The following LENG8 variants were observed in gnomAD, a reference collection of about 807,000 sequenced individuals.
LENG8 encodes leukocyte receptor cluster member 8.
LENG8 carries 28 observed loss-of-function variants against 102.1 expected under a neutral mutation model. The ratio of observed to expected loss-of-function variants is 0.27; its 90% CI spans 0.20 to 0.38. LENG8 has a LOEUF of 0.38. LENG8 is among the 10% of genes least tolerant of loss of function. The probability of loss-of-function intolerance (pLI) is 1.00; values close to 1 mark genes in which losing one functional copy is unlikely to be tolerated. For synonymous variants in LENG8, 531 were observed against 456.7 expected, an observed-to-expected ratio of 1.16 and a Z score of -2.07; for missense variants, 1,022 against 1,113.9, an observed-to-expected ratio of 0.92 and a Z score of 1.17.
intron 15 of LENG8, chr19:54,459,758 G>A (rs191954605): frequency 2.8e-6 from 3 of 1,067,290 alleles, no homozygotes; most frequent in Middle Eastern, 4.6e-4. Context: ...GAGAGGCTGA[G>A]CCAGGGTAGG....
rs532071230 is a variant in LENG8 at position 54,456,339 on chromosome 19, A to G, written c.1319A>G (p.Asp440Gly). ...TCTTCCTGCAGTGACTCCCACTCAG[A>G]CTCCGACAGCTCCTACTCAGGGAAT... Reference protein sequence around the residue: ...RHFRRSDSHSDSDSSYSGNEC... With the variant: ...RHFRRSDSHSGSDSSYSGNEC... Residue 440 changes from aspartate to glycine, a missense_variant, in exon 10 of 16, where the codon GAC becomes GGC. Physicochemically the swap from Asp to Gly is moderately conservative, Grantham distance 94. Transcript: ENST00000326764. 4.3e-6 allele frequency: 7 copies of G among 1,613,634 alleles called. No homozygotes were observed. In the South Asian group the frequency reaches 7.7e-5, roughly 18 times the overall value.
chr19:54,461,630 T>TC lies in LENG8; in HGVS notation c.*706dup, dbSNP rs747694487. On this transcript the variant is annotated 3_prime_UTR_variant, in exon 16 of 16. Coordinates refer to ENST00000326764, the MANE Select transcript of LENG8 (RefSeq NM_052925.4). ...CCCAGTGTTTCTTCTGATTTTTTTTTCCCCTTTCCCTCCCTCCCTCTCCGC... is the reference window on the plus strand; with the variant it reads ...CCCAGTGTTTCTTCTGATTTTTTTTTCCCCCTTTCCCTCCCTCCCTCTCCGC... 286 of 474,500 alleles carry TC rather than the reference T, an allele frequency of 6.0e-4. No homozygotes were observed. The highest frequency in any genetic ancestry group is 1.1e-3 in the Non-Finnish European group (246 of 229,440). 29.4% of individuals were successfully genotyped at this position (474,500 alleles called of 1,614,324 possible).
At chr19:54,459,753 G>A in intron 15 of LENG8, 1 of 1,065,620 alleles carries the variant, frequency 9.4e-7, no homozygotes, top group East Asian at 8.4e-5. Flanking sequence ...TCAGGGAGAG[G>A]CTGAGCCAGG....
intron 1 of LENG8, 90 bp from the exon 2 acceptor site, chr19:54,451,200 T>C (rs1475449077): frequency 2.4e-6 from 2 of 835,226 alleles, no homozygotes; most frequent in African/African-American, 3.4e-5. Flanking sequence ...TCTGCCCGGC[T>C]TCTCTTGAGT....
intron 11 of LENG8, 28 bp downstream of exon 11, chr19:54,456,949 C>T (rs1333269372): frequency 1.3e-6 from 2 of 1,577,300 alleles, no homozygotes; most frequent in African/African-American, 1.3e-5. Context: ...CAGTTCTGCT[C>T]TGTGAGGCCG....
In LENG8 at chr19:54,461,062, G is replaced by GC; in HGVS notation, c.*139dup. The stretch of plus-strand genomic sequence containing the variant: ...CGCTCCAGGAAGAGCCACCATCCCT[G>GC]CCCCCGTTTTCCCACCGGGGAGTCT... On this transcript the variant is annotated 3_prime_UTR_variant, in exon 16 of 16. Coordinates refer to ENST00000326764, the MANE Select transcript of LENG8 (RefSeq NM_052925.4). 2 of 1,332,446 alleles carry GC rather than the reference G, an allele frequency of 1.5e-6. No individual in the cohort carries two copies. Among genetic ancestry groups the GC allele is most frequent in the Non-Finnish European group, 1.0e-6 (1 of 971,346 alleles). The allele number at this position is 1,332,446 out of a possible 1,614,324, so 82.5% of individuals were successfully genotyped here.
At chr19:54,459,077 T>A (rs1229711357) in intron 15 of LENG8, 15 of 1,388,894 alleles carry the variant, frequency 1.1e-5, no homozygotes, top group Non-Finnish European at 1.4e-5. Context: ...CACTAGACAT[T>A]GCGCCTGGCT....
At chr19:54,460,479 A>G in intron 15 of LENG8, 1 of 1,327,522 alleles carries the variant, frequency 7.5e-7, no homozygotes, top group East Asian at 3.2e-5. Flanking sequence ...CCTGCCCCTC[A>G]GCCAGCGGAG....
At chr19:54,458,775 TCTC>T in intron 15 of LENG8, 1 of 1,551,136 alleles carries the variant, frequency 6.4e-7, no homozygotes, top group Non-Finnish European at 8.7e-7. Context: ...TGGGGCCTCT[TCTC>T]CACCCCATCT....
At chr19:54,451,221 T>C in intron 1 of LENG8, 69 bp from the exon 2 acceptor site, 1 of 1,019,684 alleles carries the variant, frequency 9.8e-7, no homozygotes, top group East Asian at 2.4e-5. Flanking sequence ...CCATCTACTT[T>C]TCTTCCCCAC....
rs774949239 is a variant in LENG8, at chr19:54,451,353, C to G, written c.9C>G (p.Ala3=). MA[A]NVGDQRSTDW... ...TATACCCCAAGGTCCAGATGGCGGCCAACGTGGGTGATCAACGTAGCACAG... is the reference window on the plus strand; with the variant it reads ...TATACCCCAAGGTCCAGATGGCGGCGAACGTGGGTGATCAACGTAGCACAG... The change falls in exon 2 of 16, where the codon GCC becomes GCG. Residue 3 remains alanine, a synonymous_variant. Coordinates refer to ENST00000326764, the MANE Select transcript of LENG8 (RefSeq NM_052925.4). The G allele has an allele frequency of 1.2e-5, 20 of 1,614,096 alleles. No individual in the cohort carries two copies. The highest frequency in any genetic ancestry group is 1.7e-5 in the Non-Finnish European group (20 of 1,180,046).
chr19:54,454,859 G>A (rs573037073), intron 6 of LENG8, 92 bp from the exon 7 acceptor site: 24 of 1,534,750 alleles, frequency 1.6e-5, no homozygotes, highest in South Asian at 9.4e-5. Context: ...GAACCTGAGC[G>A]CTCCTCCCTG....
At position 54,457,762 on chromosome 19, in the gene LENG8, C is replaced by T. The variant is rs1029635711; in HGVS notation, c.1747C>T (p.Leu583=). The part of the protein sequence containing the change: ...VRPVAVLKKS[L]CMVKCHWKEK... ...CCTTTTTCAGGTTTTGAAAAAGTCG[C>T]TGTGCATGGTCAAGTGCCACTGGAA... The change falls in exon 12 of 16, where the codon CTG becomes TTG. Residue 583 remains leucine, a synonymous_variant. Coordinates refer to ENST00000326764, the MANE Select transcript of LENG8 (RefSeq NM_052925.4). 3 of 1,613,862 alleles carry T rather than the reference C, an allele frequency of 1.9e-6. No individual in the cohort carries two copies. The highest frequency in any genetic ancestry group is 2.5e-6 in the Non-Finnish European group (3 of 1,179,724).
intron 11 of LENG8, 60 bp from the exon 12 acceptor site, chr19:54,457,687 A>G: frequency 8.4e-7 from 1 of 1,190,384 alleles, no homozygotes; most frequent in Non-Finnish European, 1.3e-6. Flanking sequence ...AAATAAGTGG[A>G]AGCCGTTGGC....
intron 2 of LENG8, 142 bp from the exon 3 acceptor site, chr19:54,451,951 C>A: frequency 1.4e-6 from 1 of 704,930 alleles, no homozygotes; most frequent in Non-Finnish European, 2.4e-6. Flanking sequence ...CCTTTATCAG[C>A]ATAGTACAGA....
Position 54,451,446 on chromosome 19 carries a change from T to A in LENG8, c.38+64T>A. 7 of 1,529,940 alleles carry A rather than the reference T, an allele frequency of 4.6e-6. No homozygotes were observed. In the South Asian group the frequency reaches 7.8e-5, roughly 17 times the overall value. 94.8% of individuals were successfully genotyped at this position (1,529,940 alleles called of 1,614,324 possible). A position where few individuals can be genotyped will look rare whatever the true frequency, so the allele number is the denominator to read the frequency against. On this transcript the variant is annotated intron_variant, in intron 2 of 15. Transcript: ENST00000326764. ...AAAGAGGAAGCAAGACCCAGTGCTG[T>A]CCTCTGGGGTGGGACCTCCCGTGGC...
In LENG8 at chr19:54,461,062, G is replaced by A. The variant is rs1414418316; in HGVS notation, c.*134G>A. ...CGCTCCAGGAAGAGCCACCATCCCTGCCCCCGTTTTCCCACCGGGGAGTCT... is the reference window on the plus strand; with the variant it reads ...CGCTCCAGGAAGAGCCACCATCCCTACCCCCGTTTTCCCACCGGGGAGTCT... On this transcript the variant is annotated 3_prime_UTR_variant, in exon 16 of 16. Coordinates refer to ENST00000326764, the MANE Select transcript of LENG8 (RefSeq NM_052925.4). The A allele has an allele frequency of 1.4e-5, 19 of 1,332,328 alleles. No homozygotes were observed. Among genetic ancestry groups the A allele is most frequent in the Non-Finnish European group, 1.9e-5 (18 of 971,354 alleles). The allele number at this position is 1,332,328 out of a possible 1,614,324, so 82.5% of individuals were successfully genotyped here.
chr19:54,452,384 T>A, intron 3 of LENG8, 117 bp downstream of exon 3: 7 of 917,270 alleles, frequency 7.6e-6, no homozygotes, highest in Non-Finnish European at 1.1e-5. Flanking sequence ...TGAAAAGACG[T>A]TCCAGGGTAT....
rs530476898 is a variant in LENG8, at chr19:54,455,156, C to T, written c.821+64C>T. On this transcript the variant is annotated intron_variant, in intron 7 of 15. Transcript: ENST00000326764. ...CTGCACTCAGCGTCTATGGTCCAGT[C>T]CCACTGGCCAGCTGCCCACCCTGAG... 3.9e-5 allele frequency: 62 copies of T among 1,598,452 alleles called. No individual in the cohort carries two copies. In the African/African-American group the frequency reaches 7.0e-4, roughly 18 times the overall value.
Sources: allele counts gnomAD v4.1 joint callset, GRCh38; gene constraint gnomAD v4.1.1; transcripts MANE v1.5; gene names NCBI Gene and HGNC (gene_info 2026-07-23, HGNC 2026-07-21).